Variants in GPR162 observed in about 807,000 individuals in gnomAD.
GPR162 encodes the protein probable G protein-coupled receptor 162.
Under a neutral mutation model 44.9 loss-of-function variants are expected in GPR162, and 26 were observed. That is an observed-to-expected ratio of 0.58 (90% CI 0.42 to 0.80). The LOEUF is 0.80. Among genes scored for constraint, GPR162 ranks in the 30% least tolerant of loss-of-function variants. The pLI is 0.00. For synonymous variants in GPR162, 363 were observed against 335.2 expected (o/e 1.08, Z -0.91); for missense variants, 704 against 802.3 (o/e 0.88, Z 1.48).
rs201788160 is a variant in GPR162, at chr12:6,824,594, C to T, written c.696C>T (p.Ala232=). ...GGACCAAAGCGGGTGGGCCAGGGGC[C>T]TTGGGTACCCGGCCAGCTTTTGAGG... is the stretch of plus-strand genomic sequence containing the variant. ...GGGTKAGGPG[A]LGTRPAFEVP... is the part of the protein sequence containing the mutation. Residue 232 remains alanine (A), a synonymous_variant, in exon 2 of 5, where the codon GCC becomes GCT. Coordinates refer to ENST00000311268, the MANE Select transcript of GPR162 (RefSeq NM_019858.2). 16 of 1,609,894 alleles carry T rather than the reference C, an allele frequency of 9.9e-6. No homozygotes were observed. Among genetic ancestry groups the T allele is most frequent in the Non-Finnish European group, 1.3e-5 (15 of 1,177,742 alleles).
chr12:6,826,299 G>A lies in GPR162; in HGVS notation c.1161G>A (p.Leu387=). 2 of 1,613,872 alleles carry A rather than the reference G, an allele frequency of 1.2e-6. No homozygotes were observed. Among genetic ancestry groups the A allele is most frequent in the African/African-American group, 1.3e-5 (1 of 75,026 alleles). ...GCCGGGACCCCGCCCAGGTGAAGCT[G>A]CTGCCTGGAAGGCACATGCTCTTCC... ...PGSRDPAQVK[L]LPGRHMLFPP... is the part of the protein sequence containing the mutation. The change falls in exon 4 of 5, where the codon CTG becomes CTA. Residue 387 remains leucine, a synonymous_variant. Coordinates refer to ENST00000311268, the MANE Select transcript of GPR162 (RefSeq NM_019858.2).
intron 4 of GPR162, 116 bp downstream of exon 4, chr12:6,826,469 G>A: frequency 8.6e-7 from 1 of 1,166,270 alleles, no homozygotes; most frequent in Non-Finnish European, 1.2e-6. Flanking sequence ...GCACCATAGA[G>A]CTGGGTGAAA....
chr12:6,827,300 G>A lies in GPR162; in HGVS notation c.*96G>A, dbSNP rs1943379990. 2.9e-6 allele frequency: 3 copies of A among 1,039,014 alleles called. No homozygotes were observed. The South Asian group carries it at 5.0e-5, about 17-fold the overall frequency. 64.4% of individuals were successfully genotyped at this position (1,039,014 alleles called of 1,614,324 possible). On this transcript the variant is annotated 3_prime_UTR_variant, in exon 5 of 5. Coordinates refer to ENST00000311268, the MANE Select transcript of GPR162 (RefSeq NM_019858.2). ...GGCAGCTGCCTCCAGACTCTGGGGAGACGGGCGCTAGATTTGGGGCTCAGA... is the reference window on the plus strand; with the variant it reads ...GGCAGCTGCCTCCAGACTCTGGGGAAACGGGCGCTAGATTTGGGGCTCAGA...
At chr12:6,823,105 T>A (rs781953722) in intron 1 of GPR162, among the ~76,000 whole-genome samples, 1 of 152,232 alleles carries the variant, frequency 6.6e-6, no homozygotes, top group East Asian at 1.9e-4. Context: ...AGGAAACCAG[T>A]CTTGTGTCTC....
In GPR162 at chr12:6,826,622, A is replaced by T. The variant is rs2071082; in HGVS notation, c.1216-31A>T. ...CTGCCTCTGCCTCTGTCCCTGCAGC[A>T]CCTTCAGGTCTTACCCGCTCCTCTT... is the stretch of plus-strand genomic sequence containing the variant. On this transcript the variant is annotated intron_variant, in intron 4 of 4. Coordinates refer to ENST00000311268, the MANE Select transcript of GPR162 (RefSeq NM_019858.2). 0.2 allele frequency: 305,072 copies of T among 1,503,854 alleles called. 33,064 individuals carry two copies. Among genetic ancestry groups the T allele is most frequent in the East Asian group, 0.4 (17,321 of 43,770 alleles). The allele number at this position is 1,503,854 out of a possible 1,614,324, so 93.2% of individuals were successfully genotyped here. A position where few individuals can be genotyped will look rare whatever the true frequency, so the allele number is the denominator to read the frequency against.
chr12:6,823,104 G>A (rs1943305358), intron 1 of GPR162, among the ~76,000 whole-genome samples: 1 of 152,218 alleles, frequency 6.6e-6, no homozygotes. Flanking sequence ...GAGGAAACCA[G>A]TCTTGTGTCT....
At chr12:6,826,411 T>C in intron 4 of GPR162, 58 bp downstream of exon 4, 3 of 1,496,106 alleles carry the variant, frequency 2.0e-6, no homozygotes, top group Non-Finnish European at 2.7e-6. Context: ...TTTTCTCCAG[T>C]GTCTGTTAGG....
At position 6,827,374 on chromosome 12, in the gene GPR162, C is replaced by T. The variant is rs1392330378; in HGVS notation, c.*170C>T. 1.6e-6 allele frequency: 1 copy of T among 608,862 alleles called. No individual in the cohort carries two copies. Among genetic ancestry groups the T allele is most frequent in the Non-Finnish European group, 2.9e-6 (1 of 344,518 alleles). The allele number at this position is 608,862 out of a possible 1,614,324, so 37.7% of individuals were successfully genotyped here. A position where few individuals can be genotyped will look rare whatever the true frequency, so the allele number is the denominator to read the frequency against. On this transcript the variant is annotated 3_prime_UTR_variant, in exon 5 of 5. Coordinates refer to ENST00000311268, the MANE Select transcript of GPR162 (RefSeq NM_019858.2). ...GTGACCAGATGCCCTACTCAGCTTC[C>T]ATCACCCCTAGCAATATGTATTAAA...
rs1220327041 is a variant in GPR162, at chr12:6,827,129, G to A, written c.1692G>A (p.Gly564=). The change falls in exon 5 of 5, where the codon GGG becomes GGA. Residue 564 remains glycine, a synonymous_variant. Coordinates refer to ENST00000311268, the MANE Select transcript of GPR162 (RefSeq NM_019858.2). ...CAGGGAGACGCTGCTCCCTGACGGG[G>A]GGTGAAGAAAGTGCAAGGGCTTGGG... is the stretch of plus-strand genomic sequence containing the variant. ...LSAGRRCSLT[G]GEESARAWGG... is the part of the protein sequence containing the mutation. 3 of 1,613,330 alleles carry A rather than the reference G, an allele frequency of 1.9e-6. No homozygotes were observed. Among genetic ancestry groups the A allele is most frequent in the Non-Finnish European group, 1.7e-6 (2 of 1,180,024 alleles).
rs1555119445 is a variant in GPR162 at position 6,823,428 on chromosome 12, C to T, written c.-431-40C>T. 2.2e-5 allele frequency: 8 copies of T among 363,736 alleles called. No homozygotes were observed. In the East Asian group the frequency reaches 3.6e-4, roughly 16 times the overall value. The allele number at this position is 363,736 out of a possible 1,614,324, so 22.5% of individuals were successfully genotyped here. A position where few individuals can be genotyped will look rare whatever the true frequency, so the allele number is the denominator to read the frequency against. On this transcript the variant is annotated intron_variant, in intron 1 of 4. Transcript: ENST00000311268. ...GATTGGAGACCAGCCCAGGCCCTAC[C>T]TTTGCCCTCTCCCTCCCACATCTCA...
Position 6,823,862 on chromosome 12 carries a change from C to A in GPR162, c.-37C>A. The A allele has an allele frequency of 6.3e-7, 1 of 1,579,154 alleles. No individual in the cohort carries two copies. Among genetic ancestry groups the A allele is most frequent in the Non-Finnish European group, 8.6e-7 (1 of 1,159,082 alleles). On this transcript the variant is annotated 5_prime_UTR_variant, in exon 2 of 5. Transcript: ENST00000311268. ...TCCTGGGTGAGACCTAGCCCCCACCCCCACAGAGCTCAAGGGGGTGGGGGG... is the reference window on the plus strand; with the variant it reads ...TCCTGGGTGAGACCTAGCCCCCACCACCACAGAGCTCAAGGGGGTGGGGGG...
chr12:6,824,963 C>T, intron 2 of GPR162, 198 bp downstream of exon 2: 1 of 703,044 alleles, frequency 1.4e-6, no homozygotes, highest in East Asian at 2.7e-5. Context: ...TCCCACTACC[C>T]TGTTTACCCC....
chr12:6,822,678 A>G lies in GPR162; in HGVS notation c.-432+778A>G, dbSNP rs1462979349. On this transcript the variant is annotated intron_variant, in intron 1 of 4. Transcript: ENST00000311268. This position sits in a 1 kb window ranked among gnomAD's most constrained non-coding sequence, Gnocchi z 4.2. ...CCACGGGGAGTCAGCACCTTATTGA[A>G]CATTTGGCTTTTCTTCTCAGCCTCC... is the stretch of plus-strand genomic sequence containing the variant. 6.6e-6 allele frequency among the ~76,000 whole-genome samples: 1 copy of G among 151,912 alleles called. No homozygotes were observed. The highest frequency in any genetic ancestry group is 1.9e-4 in the East Asian group (1 of 5,154).
chr12:6,823,860 C>A lies in GPR162; in HGVS notation c.-39C>A. ...GCTCCTGGGTGAGACCTAGCCCCCA[C>A]CCCCACAGAGCTCAAGGGGGTGGGG... On this transcript the variant is annotated 5_prime_UTR_variant, in exon 2 of 5. Coordinates refer to ENST00000311268, the MANE Select transcript of GPR162 (RefSeq NM_019858.2). The A allele has an allele frequency of 6.3e-7, 1 of 1,579,704 alleles. No homozygotes were observed.
At position 6,827,095 on chromosome 12, in the gene GPR162, G is replaced by A. The variant is rs782377573; in HGVS notation, c.1658G>A (p.Gly553Glu). Residue 553 changes from glycine (G) to glutamate (E), a missense_variant, in exon 5 of 5, where the codon GGA becomes GAA. By Grantham distance (98) the Gly-to-Glu change is moderately conservative (BLOSUM62 -2). Transcript: ENST00000311268. ...AGCAGAGCCGTTGGACTTCCTTTGG[G>A]ACTAAGCGCAGGGAGACGCTGCTCC... ...PESRAVGLPL[G>E]LSAGRRCSLT... 2 of 1,613,420 alleles carry A rather than the reference G, an allele frequency of 1.2e-6. No homozygotes were observed. Among genetic ancestry groups the A allele is most frequent in the African/African-American group, 1.3e-5 (1 of 75,056 alleles).
chr12:6,826,954 C>A lies in GPR162; in HGVS notation c.1517C>A (p.Thr506Asn). Residue 506 changes from threonine (T) to asparagine (N), a missense_variant, in exon 5 of 5, where the codon ACC (threonine) becomes AAC (asparagine). Thr to Asn is a moderately conservative substitution (Grantham distance 65, BLOSUM62 0). Transcript: ENST00000311268. ...RGPGFFREEITTFIDETPLPS... is the reference protein window; with the variant it reads ...RGPGFFREEINTFIDETPLPS... ...CCTGGCTTCTTCCGGGAGGAGATCA[C>A]CACCTTCATCGATGAGACACCTCTG... is the stretch of plus-strand genomic sequence containing the variant. 5.6e-6 allele frequency: 9 copies of A among 1,613,358 alleles called. No individual in the cohort carries two copies. The highest frequency in any genetic ancestry group is 7.6e-6 in the Non-Finnish European group (9 of 1,179,982).
chr12:6,825,033 G>T (rs1943335251), intron 2 of GPR162: 1 of 656,706 alleles, frequency 1.5e-6, no homozygotes, highest in Non-Finnish European at 2.8e-6. Flanking sequence ...TCAGTTCCAC[G>T]ACCTGTCCTC....
In GPR162 at chr12:6,822,892, C is replaced by T. The variant is rs782405670; in HGVS notation, c.-431-576C>T. The stretch of plus-strand genomic sequence containing the variant: ...CATTTCTGGATGCTTCTGATGTCAG[C>T]GGTTTCCCCGCCTTCAGGTTCCCTA... On this transcript the variant is annotated intron_variant, in intron 1 of 4. Coordinates refer to ENST00000311268, the MANE Select transcript of GPR162 (RefSeq NM_019858.2). The surrounding 1 kb of genome is among the most constrained non-coding windows in gnomAD (Gnocchi z 4.2). Among the ~76,000 whole-genome samples, 11 of 152,218 alleles carry T rather than the reference C, an allele frequency of 7.2e-5. No homozygotes were observed. The highest frequency in any genetic ancestry group is 1.9e-4 in the African/African-American group (8 of 41,452).
intron 2 of GPR162, 155 bp downstream of exon 2, chr12:6,824,920 T>C: frequency 1.4e-6 from 1 of 725,882 alleles, no homozygotes; most frequent in Non-Finnish European, 2.5e-6. Flanking sequence ...CCACTCCATT[T>C]GTGGCCCCCA....
Sources: gnomAD v4.1 joint callset for allele counts (sites outside exome capture counted in the v4.1 genomes callset) on GRCh38, gnomAD v4.1.1 for gene constraint, Gnocchi (gnomAD v3.1) non-coding constraint, MANE v1.5 for transcripts, NCBI Gene and HGNC (gene_info 2026-07-23, HGNC 2026-07-21) for gene names.